Variants in CMSS1 observed in about 807,000 individuals in gnomAD.
CMSS1 encodes protein CMSS1.
In CMSS1, 33 loss-of-function variants were observed where a neutral mutation model predicts 43.5. The observed-to-expected ratio is 0.76, with a 90% CI of 0.57 to 1.01. The LOEUF (loss-of-function observed/expected upper bound fraction) is 1.01, where lower values mean the gene tolerates loss of function less well. CMSS1 is among the 50% of genes least tolerant of loss of function. The probability of loss-of-function intolerance (pLI) is 0.00; values close to 1 mark genes in which losing one functional copy is unlikely to be tolerated. For missense variants in CMSS1, 313 were observed against 326.4 expected, an observed-to-expected ratio of 0.96 and a Z score of 0.32; for synonymous variants, 115 against 117.2, an observed-to-expected ratio of 0.98 and a Z score of 0.12.
intron 1 of CMSS1, chr3:99,898,448 GAC>G (rs2107623010): frequency 6.6e-6 from 1 of 152,256 alleles, no homozygotes; most frequent in South Asian, 2.1e-4. Context: ...CTGGAATTAT[GAC>G]ATGCACCCAC....
intron 1 of CMSS1, among the ~76,000 whole-genome samples, chr3:100,113,368 C>T (rs1354283949): frequency 6.6e-6 from 1 of 152,146 alleles, no homozygotes; most frequent in African/African-American, 2.4e-5. Flanking sequence ...ATGTGATGTG[C>T]CCATGGATAT....
intron 1 of CMSS1, chr3:100,113,954 T>C (rs899980448): frequency 5.3e-5 from 8 of 152,080 alleles, no homozygotes; most frequent in African/African-American, 1.9e-4. Context: ...ATTCACAAGA[T>C]CCTACTTTTG....
chr3:100,056,170 A>C (rs1203021554), intron 1 of CMSS1, among the ~76,000 whole-genome samples: 2 of 152,212 alleles, frequency 1.3e-5, no homozygotes, highest in African/African-American at 4.8e-5. Context: ...ATTTTACATT[A>C]CAAAAATGGT....
Position 99,881,221 on chromosome 3 carries a change from G to A in CMSS1, c.64+63178G>A, listed in dbSNP as rs1370662746. Among the ~76,000 whole-genome samples the A allele has an allele frequency of 3.9e-5, 6 of 152,258 alleles. No homozygotes were observed. The East Asian group carries it at 1.2e-3, about 29-fold the overall frequency. Reference sequence around the variant, plus strand: ...ATGACTTAGAAAGAATGAAGAATTGGTAATGTGACGCCACTGTAAGATTAT... The same window carrying A: ...ATGACTTAGAAAGAATGAAGAATTGATAATGTGACGCCACTGTAAGATTAT... On this transcript the variant is annotated intron_variant, in intron 1 of 9. Coordinates refer to ENST00000421999, the MANE Select transcript of CMSS1 (RefSeq NM_032359.4).
chr3:99,849,332 T>C (rs1413570164), intron 1 of CMSS1: 2 of 1,614,082 alleles, frequency 1.2e-6, no homozygotes, highest in South Asian at 1.1e-5. Context: ...AGACTAGGCC[T>C]GAGGCTCTTA....
intron 1 of CMSS1, among the ~76,000 whole-genome samples, chr3:100,032,185 A>G (rs1275085995): frequency 6.6e-6 from 1 of 152,188 alleles, no homozygotes; most frequent in Non-Finnish European, 1.5e-5. Flanking sequence ...TTGAAAGACA[A>G]TTATTTAAAT....
At chr3:99,879,600 T>C (rs563970908) in intron 1 of CMSS1, among the ~76,000 whole-genome samples, 25 of 152,328 alleles carry the variant, frequency 1.6e-4, no homozygotes, top group Admixed American at 3.9e-4. Context: ...AAAGAAGCAG[T>C]AATTAATAGG....
At chr3:99,880,428 A>G (rs1315652455) in intron 1 of CMSS1, among the ~76,000 whole-genome samples, 1 of 152,146 alleles carries the variant, frequency 6.6e-6, no homozygotes, top group Non-Finnish European at 1.5e-5. Flanking sequence ...GACCCTCTTT[A>G]CTTTTATCTG....
rs368404706 is a variant in CMSS1, at chr3:100,166,371, G to A, written c.392G>A (p.Ser131Asn). 1.0e-5 allele frequency: 16 copies of A among 1,595,060 alleles called. No individual in the cohort carries two copies. In the African/African-American group the frequency reaches 1.9e-4, roughly 19 times the overall value. The change falls in exon 5 of 10, where the codon AGT becomes AAT. Residue 131 changes from serine to asparagine, a missense_variant. Coordinates refer to ENST00000421999, the MANE Select transcript of CMSS1 (RefSeq NM_032359.4). ...CFLKANDLTH[S>N]LSSYLKEICP... ...CTCAAGGCCAATGATTTGACTCACA[G>A]TCTTTCCTCATACCTAAAAGAAAGT...
chr3:99,928,291 A>G (rs1707361315), intron 1 of CMSS1, among the ~76,000 whole-genome samples: 1 of 152,184 alleles, frequency 6.6e-6, no homozygotes, highest in South Asian at 2.1e-4. Context: ...AGGATAGACA[A>G]CTGGGTTGTG....
intron 1 of CMSS1, among the ~76,000 whole-genome samples, chr3:100,061,197 A>G (rs543602608): frequency 8.2e-4 from 125 of 152,326 alleles, no homozygotes; most frequent in African/African-American, 2.9e-3. Context: ...TTTAAAAACT[A>G]TACTTCTTCT....
At chr3:99,942,648 A>G (rs964350005) in intron 1 of CMSS1, among the ~76,000 whole-genome samples, 2 of 152,088 alleles carry the variant, frequency 1.3e-5, no homozygotes, top group Admixed American at 6.6e-5. Flanking sequence ...CCTGGCCAAC[A>G]TGGTGAAACC....
At chr3:99,910,889 A>G (rs1227547062) in intron 1 of CMSS1, among the ~76,000 whole-genome samples, 2 of 152,184 alleles carry the variant, frequency 1.3e-5, no homozygotes. Context: ...AAAGGCAGTT[A>G]TATTCTCTAA....
intron 1 of CMSS1, among the ~76,000 whole-genome samples, chr3:100,085,842 G>A (rs1576038700): frequency 1.3e-5 from 2 of 152,192 alleles, no homozygotes; most frequent in East Asian, 3.8e-4. Flanking sequence ...ACCTCGACTA[G>A]CAGGAAAAGA....
rs772691746 is a variant in CMSS1 at position 100,171,864 on chromosome 3, G to A, written c.544G>A (p.Gly182Ser). Residue 182 changes from glycine to serine, a missense_variant, in exon 7 of 10, where the codon GGC becomes AGC. Physicochemically the swap from Gly to Ser is moderately conservative, Grantham distance 56. Coordinates refer to ENST00000421999, the MANE Select transcript of CMSS1 (RefSeq NM_032359.4). ...IRSMTAFRGD[G>S]KVIKLFAKHI... ...GTCGATGACAGCATTCAGAGGAGAC[G>A]GCAAAGTTATAAAATTATTTGCAAA... is the stretch of plus-strand genomic sequence containing the variant. 3.3e-5 allele frequency: 54 copies of A among 1,613,824 alleles called. No individual in the cohort carries two copies. The South Asian group carries it at 4.6e-4, about 14-fold the overall frequency.
At chr3:100,130,731 T>C (rs1445259022) in intron 1 of CMSS1, among the ~76,000 whole-genome samples, 1 of 152,180 alleles carries the variant, frequency 6.6e-6, no homozygotes, top group African/African-American at 2.4e-5. Flanking sequence ...TATTGTACAA[T>C]GTGTAGTTGT....
intron 1 of CMSS1, among the ~76,000 whole-genome samples, chr3:99,867,936 C>A (rs1280502893): frequency 6.6e-6 from 1 of 152,100 alleles, no homozygotes; most frequent in Non-Finnish European, 1.5e-5. Flanking sequence ...ATTCAAAGTA[C>A]AATTAAACTG....
chr3:100,130,712 T>A (rs988347630), intron 1 of CMSS1, among the ~76,000 whole-genome samples: 6 of 152,220 alleles, frequency 3.9e-5, no homozygotes, highest in African/African-American at 1.4e-4. Context: ...ATATTCTCAA[T>A]GGCTTACATA....
At chr3:99,957,463 TAGAG>T (rs987585397) in intron 1 of CMSS1, among the ~76,000 whole-genome samples, 2 of 151,922 alleles carry the variant, frequency 1.3e-5, no homozygotes, top group African/African-American at 4.8e-5. Flanking sequence ...TATATATATA[TAGAG>T]AGAGAGACAT....
Sources: gnomAD v4.1 joint callset for allele counts (sites outside exome capture counted in the v4.1 genomes callset) on GRCh38, gnomAD v4.1.1 for gene constraint, MANE v1.5 for transcripts, NCBI Gene and HGNC (gene_info 2026-07-23, HGNC 2026-07-21) for gene names.